The following PRDM16 variants were observed in gnomAD, a reference collection of about 807,000 sequenced individuals.
PRDM16 encodes PR/SET domain 16, also known as histone-lysine N-methyltransferase PRDM16.
Under a neutral mutation model 110.6 loss-of-function variants are expected in PRDM16, and 23 were observed. That is an observed-to-expected ratio of 0.21 (90% CI 0.15 to 0.29). The LOEUF (loss-of-function observed/expected upper bound fraction) is 0.29. Ranked by LOEUF, PRDM16 falls within the 10% of genes least tolerant of loss-of-function variation. The pLI, the probability that PRDM16 is intolerant of heterozygous loss-of-function variation, is 1.00. For synonymous variants in PRDM16, 799 were observed against 781.8 expected (o/e 1.02, Z -0.37); for missense variants, 1,615 against 1,794.3 (o/e 0.90, Z 1.81).
chr1:3,339,051 G>A lies in PRDM16; in HGVS notation c.439-46101G>A, dbSNP rs1415643158. 6.6e-6 allele frequency among the ~76,000 whole-genome samples: 1 copy of A among 152,132 alleles called. No individual in the cohort carries two copies. Among genetic ancestry groups the A allele is most frequent in the Non-Finnish European group, 1.5e-5 (1 of 68,034 alleles). ...CAGTTTGGAGCCCTGCTGCTGTCTGGGGAGAGTTGCAGCTTCAAGGCGATC... is the reference window on the plus strand; with the variant it reads ...CAGTTTGGAGCCCTGCTGCTGTCTGAGGAGAGTTGCAGCTTCAAGGCGATC... On this transcript the variant is annotated intron_variant, in intron 3 of 16. Coordinates refer to ENST00000270722, the MANE Select transcript of PRDM16 (RefSeq NM_022114.4). This position sits in a 1 kb window ranked among gnomAD's most constrained non-coding sequence, Gnocchi z 5.0.
Position 3,143,789 on chromosome 1 carries a change from C to A in PRDM16, c.38-42336C>A, listed in dbSNP as rs1643595470. Among the ~76,000 whole-genome samples, 1 of 152,058 alleles carries A rather than the reference C, an allele frequency of 6.6e-6. No individual in the cohort carries two copies. Among genetic ancestry groups the A allele is most frequent in the African/African-American group, 2.4e-5 (1 of 41,420 alleles). ...ACCGCGTCCGGCTTATTCTTTTTTT[C>A]TAAATAGTGAGGCCCAGAGTGCAGG... is the stretch of plus-strand genomic sequence containing the variant. On this transcript the variant is annotated intron_variant, in intron 1 of 16. Coordinates refer to ENST00000270722, the MANE Select transcript of PRDM16 (RefSeq NM_022114.4). This position sits in a 1 kb window ranked among gnomAD's most constrained non-coding sequence, Gnocchi z 4.5.
chr1:3,188,635 C>T lies in PRDM16; in HGVS notation c.387+2161C>T, dbSNP rs184527485. 3.2e-3 allele frequency among the ~76,000 whole-genome samples: 495 copies of T among 152,368 alleles called. 5 individuals carry two copies. The highest frequency in any genetic ancestry group is 0.027 in the Middle Eastern group (8 of 294). On this transcript the variant is annotated intron_variant, in intron 2 of 16. Coordinates refer to ENST00000270722, the MANE Select transcript of PRDM16 (RefSeq NM_022114.4). ...CCCGACGCCCTCAAACGGTGCTCCC[C>T]GCGCACCCGGCAGGATCTCGCCTGA...
chr1:3,112,726 C>T lies in PRDM16; in HGVS notation c.37+43430C>T, dbSNP rs147786118. Among the ~76,000 whole-genome samples the T allele has an allele frequency of 8.0e-3, 1,224 of 152,366 alleles. 6 individuals are homozygous for T. Among genetic ancestry groups the T allele is most frequent in the Middle Eastern group, 0.034 (10 of 294 alleles). Reference sequence around the variant, plus strand: ...CCCCTGCAGCCGGGCAGCTGCTCCCCGGTGAGGGTTTCTGCCAGCTAAGGG... The same window carrying T: ...CCCCTGCAGCCGGGCAGCTGCTCCCTGGTGAGGGTTTCTGCCAGCTAAGGG... On this transcript the variant is annotated intron_variant, in intron 1 of 16. Transcript: ENST00000270722.
At chr1:3,164,452 G>T (rs1323552686) in intron 1 of PRDM16, among the ~76,000 whole-genome samples, 1 of 152,194 alleles carries the variant, frequency 6.6e-6, no homozygotes, top group Non-Finnish European at 1.5e-5. Context: ...GGAGGGCACC[G>T]AGGGCCATGG....
At chr1:3,170,265 G>T (rs116819090) in intron 1 of PRDM16, among the ~76,000 whole-genome samples, 4,097 of 152,268 alleles carry the variant, frequency 0.027, 201 homozygotes, top group African/African-American at 0.093. Context: ...AGGCCCTTCC[G>T]GGGTGGGGGT....
At chr1:3,369,642 C>A (rs1190562979) in intron 3 of PRDM16, among the ~76,000 whole-genome samples, 1 of 152,220 alleles carries the variant, frequency 6.6e-6, no homozygotes, top group African/African-American at 2.4e-5. Flanking sequence ...AAACAGAAAT[C>A]CTGGGAAGTA....
intron 4 of PRDM16, among the ~76,000 whole-genome samples, chr1:3,387,564 CG>C (rs1294131312): frequency 6.6e-6 from 1 of 152,036 alleles, no homozygotes; most frequent in East Asian, 1.9e-4. Flanking sequence ...CAGCCGGTGA[CG>C]TCGGGTGTTA....
chr1:3,275,041 A>G (rs756624616), intron 3 of PRDM16, among the ~76,000 whole-genome samples: 2 of 152,224 alleles, frequency 1.3e-5, no homozygotes, highest in African/African-American at 4.8e-5. Context: ...CCCCCAGCCC[A>G]GCAGGAGCAC....
intron 1 of PRDM16, among the ~76,000 whole-genome samples, chr1:3,090,596 T>C (rs1292868819): frequency 3.3e-5 from 5 of 152,336 alleles, no homozygotes; most frequent in South Asian, 2.1e-4. Context: ...GCAGATTGGG[T>C]GCCCACGCCC....
At chr1:3,137,862 G>A (rs1643472442) in intron 1 of PRDM16, among the ~76,000 whole-genome samples, 1 of 152,246 alleles carries the variant, frequency 6.6e-6, no homozygotes, top group South Asian at 2.1e-4. Context: ...GCCAGGTCCT[G>A]CCATCCTCCC....
rs780483759 is a variant in PRDM16, at chr1:3,186,261, G to A, written c.174G>A (p.Glu58=). The A allele has an allele frequency of 6.8e-6, 11 of 1,612,280 alleles. No homozygotes were observed. Among genetic ancestry groups the A allele is most frequent in the Non-Finnish European group, 9.3e-6 (11 of 1,179,646 alleles). Residue 58 remains glutamate, a synonymous_variant, in exon 2 of 17, where the codon GAG becomes GAA. Coordinates refer to ENST00000270722, the MANE Select transcript of PRDM16 (RefSeq NM_022114.4). Reference sequence around the variant, plus strand: ...CACCGTCCCCCTTCCCCACCAGCGAGGACTTCACCCCCAAGGAGGGCTCGC... The same window carrying A: ...CACCGTCCCCCTTCCCCACCAGCGAAGACTTCACCCCCAAGGAGGGCTCGC... ...VGPPSPFPTS[E]DFTPKEGSPY... is the part of the protein sequence containing the mutation.
chr1:3,277,217 C>T (rs949319667), intron 3 of PRDM16, among the ~76,000 whole-genome samples: 3 of 152,154 alleles, frequency 2.0e-5, no homozygotes, highest in Non-Finnish European at 4.4e-5. Flanking sequence ...GACTAGTGGA[C>T]GTGGCCGGCC....
intron 3 of PRDM16, among the ~76,000 whole-genome samples, chr1:3,351,825 C>A (rs1642501100): frequency 6.8e-6 from 1 of 147,142 alleles, no homozygotes; most frequent in Admixed American, 6.8e-5. Context: ...CAGTCTCCAG[C>A]CATTTGGGGG....
chr1:3,135,565 C>T (rs150853505), intron 1 of PRDM16, among the ~76,000 whole-genome samples: 4 of 152,136 alleles, frequency 2.6e-5, no homozygotes, highest in African/African-American at 9.7e-5. Flanking sequence ...GAGCCCTCCC[C>T]CTCCGTGGCC....
chr1:3,318,036 C>T (rs1013105710), intron 3 of PRDM16, among the ~76,000 whole-genome samples: 1 of 152,190 alleles, frequency 6.6e-6, no homozygotes, highest in Non-Finnish European at 1.5e-5. Context: ...ACGGCGGCTC[C>T]GAGGCCTGTC....
chr1:3,164,115 C>G (rs1643923401), intron 1 of PRDM16, among the ~76,000 whole-genome samples: 1 of 152,262 alleles, frequency 6.6e-6, no homozygotes, highest in South Asian at 2.1e-4. Context: ...TGTCGTCCAT[C>G]AACTTCCAGA....
rs775257695 is a variant in PRDM16, at chr1:3,353,766, C to A, written c.439-31386C>A. 1.3e-5 allele frequency among the ~76,000 whole-genome samples: 2 copies of A among 152,198 alleles called. No homozygotes were observed. Among genetic ancestry groups the A allele is most frequent in the Admixed American group, 1.3e-4 (2 of 15,282 alleles). On this transcript the variant is annotated intron_variant, in intron 3 of 16. Transcript: ENST00000270722. This position sits in a 1 kb window ranked among gnomAD's most constrained non-coding sequence, Gnocchi z 5.4. ...CAAGGGGGTTGCACTTGGGGCCGGACCTCCTGACTCCTGCCTCTGTGTCTT... is the reference window on the plus strand; with the variant it reads ...CAAGGGGGTTGCACTTGGGGCCGGAACTCCTGACTCCTGCCTCTGTGTCTT...
intron 3 of PRDM16, among the ~76,000 whole-genome samples, chr1:3,312,273 C>T (rs1007422871): frequency 2.6e-5 from 4 of 152,248 alleles, no homozygotes; most frequent in African/African-American, 9.6e-5. Flanking sequence ...CCACGCTCAT[C>T]CTCTGAGGAG....
In PRDM16 at chr1:3,171,885, C is replaced by T. The variant is rs1038751716; in HGVS notation, c.38-14240C>T. Among the ~76,000 whole-genome samples the T allele has an allele frequency of 1.2e-4, 18 of 152,198 alleles. 1 individual carries two copies. The highest frequency in any genetic ancestry group is 3.9e-4 in the Admixed American group (6 of 15,298). On this transcript the variant is annotated intron_variant, in intron 1 of 16. Transcript: ENST00000270722. ...CGCCCTGCTTGGATCAGGCGCCTCCCGAGCACAAAGTCCTGGAGCAGCGAG... is the reference window on the plus strand; with the variant it reads ...CGCCCTGCTTGGATCAGGCGCCTCCTGAGCACAAAGTCCTGGAGCAGCGAG...
Sources: gnomAD v4.1 joint callset for allele counts (sites outside exome capture counted in the v4.1 genomes callset) on GRCh38, gnomAD v4.1.1 for gene constraint, Gnocchi (gnomAD v3.1) non-coding constraint, MANE v1.5 for transcripts, NCBI Gene and HGNC (gene_info 2026-07-23, HGNC 2026-07-21) for gene names.